PLCL2: variants seen among roughly 807,000 people sequenced by gnomAD.
PLCL2 encodes the protein phospholipase C like 2.
In PLCL2, 4 loss-of-function variants were observed where a neutral mutation model predicts 79.6. That is an observed-to-expected ratio of 0.05 (90% CI 0.02 to 0.11). PLCL2 has a LOEUF of 0.11. Ranked by LOEUF, PLCL2 falls within the 10% of genes least tolerant of loss-of-function variation. The pLI is 1.00. For synonymous variants in PLCL2, 484 were observed against 457.7 expected (o/e 1.06, Z -0.73); for missense variants, 895 against 1,291.0 (o/e 0.69, Z 4.70).
chr3:16,955,149 T>C (rs1482366797), intron 1 of PLCL2, among the ~76,000 whole-genome samples: 1 of 152,256 alleles, frequency 6.6e-6, no homozygotes, highest in Non-Finnish European at 1.5e-5. Flanking sequence ...CTAGGGTTTG[T>C]ATGGTTTTAG....
chr3:17,065,923 G>A (rs1251228622), intron 4 of PLCL2, among the ~76,000 whole-genome samples: 1 of 152,130 alleles, frequency 6.6e-6, no homozygotes, highest in African/African-American at 2.4e-5. Context: ...ATACTTATGA[G>A]AATATGGTAC....
At chr3:17,057,201 A>G (rs990522971) in intron 4 of PLCL2, among the ~76,000 whole-genome samples, 1 of 152,214 alleles carries the variant, frequency 6.6e-6, no homozygotes, top group African/African-American at 2.4e-5. Context: ...TCAAATTTTT[A>G]TAATGCAACT....
chr3:16,955,375 C>G (rs1056439123), intron 1 of PLCL2, among the ~76,000 whole-genome samples: 8 of 152,072 alleles, frequency 5.3e-5, no homozygotes, highest in African/African-American at 1.2e-4. Context: ...CTGTTCTGTT[C>G]CATTGATCTA....
intron 1 of PLCL2, among the ~76,000 whole-genome samples, chr3:16,992,466 A>G (rs951691939): frequency 2.0e-5 from 3 of 152,226 alleles, no homozygotes; most frequent in African/African-American, 7.2e-5. Context: ...CCCCATTTGC[A>G]TCTCTTCCCC....
chr3:17,089,897 T>C lies in PLCL2; in HGVS notation c.3369T>C (p.Asp1123=). 1.2e-6 allele frequency: 2 copies of C among 1,612,766 alleles called. No homozygotes were observed. The highest frequency in any genetic ancestry group is 1.7e-6 in the Non-Finnish European group (2 of 1,179,654). Residue 1123 remains aspartate, a synonymous_variant, in exon 6 of 6, where the codon GAT becomes GAC. Transcript: ENST00000615277. ...SLEVIPEKAN[D]ETGE ...AAGTCATACCCGAAAAAGCAAACGA[T>C]GAAACTGGAGAATGAGGAAACTTAC... is the stretch of plus-strand genomic sequence containing the variant.
intron 1 of PLCL2, among the ~76,000 whole-genome samples, chr3:17,002,721 T>A (rs2064222968): frequency 6.6e-6 from 1 of 152,202 alleles, no homozygotes; most frequent in Non-Finnish European, 1.5e-5. Context: ...ACAGGGACTT[T>A]GTTTTCACGT....
At chr3:17,079,231 AC>A (rs1304936266) in intron 5 of PLCL2, among the ~76,000 whole-genome samples, 1 of 150,922 alleles carries the variant, frequency 6.6e-6, no homozygotes. Flanking sequence ...CAGCTGGGCC[AC>A]CCTCCCCTCC....
chr3:16,984,493 T>C (rs1336412619), intron 1 of PLCL2, among the ~76,000 whole-genome samples: 1 of 152,138 alleles, frequency 6.6e-6, no homozygotes, highest in Non-Finnish European at 1.5e-5. Flanking sequence ...TTTTCAGGAT[T>C]TATCTGTTTG....
intron 1 of PLCL2, among the ~76,000 whole-genome samples, chr3:16,959,644 C>A (rs1039013935): frequency 6.6e-6 from 1 of 152,078 alleles, no homozygotes; most frequent in Non-Finnish European, 1.5e-5. Flanking sequence ...TTGGAGAGTT[C>A]TCACAAGCAG....
intron 1 of PLCL2, among the ~76,000 whole-genome samples, chr3:16,928,349 C>A (rs1294775865): frequency 6.6e-6 from 1 of 152,160 alleles, no homozygotes; most frequent in Non-Finnish European, 1.5e-5. Context: ...GTTTGGGAGA[C>A]CAGGCAGTAG....
chr3:16,947,593 C>T (rs1189791448), intron 1 of PLCL2, among the ~76,000 whole-genome samples: 1 of 152,142 alleles, frequency 6.6e-6, no homozygotes, highest in Non-Finnish European at 1.5e-5. Context: ...CCTCTGCCTG[C>T]TTTTCAACAG....
At chr3:17,021,940 A>T (rs1212668127) in intron 3 of PLCL2, among the ~76,000 whole-genome samples, 1 of 152,194 alleles carries the variant, frequency 6.6e-6, no homozygotes, top group Non-Finnish European at 1.5e-5. Flanking sequence ...CCTATTGGTG[A>T]ATGAGAAATG....
At chr3:16,932,648 A>G (rs1229677193) in intron 1 of PLCL2, among the ~76,000 whole-genome samples, 1 of 152,188 alleles carries the variant, frequency 6.6e-6, no homozygotes, top group Non-Finnish European at 1.5e-5. Context: ...CTCTACAGCC[A>G]TATGCTGGTA....
intron 1 of PLCL2, among the ~76,000 whole-genome samples, chr3:16,989,983 C>T (rs1267514403): frequency 6.6e-6 from 1 of 151,956 alleles, no homozygotes; most frequent in African/African-American, 2.4e-5. Flanking sequence ...ATAATGATTG[C>T]CTGAAGCATG....
At chr3:17,089,516 C>G (rs1284191485) in intron 5 of PLCL2, among the ~76,000 whole-genome samples, 1 of 151,958 alleles carries the variant, frequency 6.6e-6, no homozygotes, top group Non-Finnish European at 1.5e-5. Context: ...TAGAAAGGGC[C>G]AGAAAGGCAG....
chr3:16,885,317 C>G lies in PLCL2; in HGVS notation c.278C>G (p.Pro93Arg), dbSNP rs955995466. Residue 93 changes from proline (P) to arginine (R), a missense_variant, in exon 1 of 6, where the codon CCC becomes CGC. Physicochemically the swap from Pro to Arg is moderately radical, Grantham distance 103. Coordinates refer to ENST00000615277, the MANE Select transcript of PLCL2 (RefSeq NM_001144382.2). ...CCCAGCGCGGTCGTCTGTACCCTCC[C>G]CCGGGAGAGCAAGCCGGGCGGCCTG... The part of the protein sequence containing the change: ...PTPSAVVCTL[P>R]RESKPGGLPR... 2 of 666,650 alleles carry G rather than the reference C, an allele frequency of 3.0e-6. No homozygotes were observed. The highest frequency in any genetic ancestry group is 2.4e-4 in the Middle Eastern group (1 of 4,238). 41.3% of individuals were successfully genotyped at this position (666,650 alleles called of 1,614,324 possible). A position where few individuals can be genotyped will look rare whatever the true frequency, so the allele number is the denominator to read the frequency against.
chr3:17,064,038 G>T (rs572963021), intron 4 of PLCL2, among the ~76,000 whole-genome samples: 51 of 152,298 alleles, frequency 3.3e-4, no homozygotes, highest in Non-Finnish European at 7.2e-4. Flanking sequence ...CTACTCTTCA[G>T]CTTTTTAGTA....
chr3:16,889,169 G>A (rs774374806), intron 1 of PLCL2, among the ~76,000 whole-genome samples: 2 of 152,108 alleles, frequency 1.3e-5, no homozygotes, highest in Non-Finnish European at 2.9e-5. Context: ...AGTGCTTACC[G>A]TAATTCTCTG....
chr3:17,066,199 A>G (rs776168525), intron 4 of PLCL2, among the ~76,000 whole-genome samples: 1 of 152,180 alleles, frequency 6.6e-6, no homozygotes, highest in Non-Finnish European at 1.5e-5. Flanking sequence ...CATCAGTAAA[A>G]GAAAAGTTGG....
Sources: gnomAD v4.1 joint callset for allele counts (sites outside exome capture counted in the v4.1 genomes callset) on GRCh38, gnomAD v4.1.1 for gene constraint, MANE v1.5 for transcripts, NCBI Gene and HGNC (gene_info 2026-07-23, HGNC 2026-07-21) for gene names.